Variants in RBPJ observed in about 807,000 individuals in gnomAD.
The protein encoded by RBPJ is recombination signal binding protein for immunoglobulin kappa J region.
In RBPJ, 9 loss-of-function variants were observed where a neutral mutation model predicts 67.8. The ratio of observed to expected loss-of-function variants is 0.13; its 90% CI spans 0.08 to 0.23. RBPJ has a LOEUF of 0.23. Among genes scored for constraint, RBPJ ranks in the 10% least tolerant of loss-of-function variants. RBPJ has a pLI of 1.00. For synonymous variants in RBPJ, 198 were observed against 203.3 expected, an observed-to-expected ratio of 0.97 and a Z score of 0.22; for missense variants, 305 against 595.6, an observed-to-expected ratio of 0.51 and a Z score of 5.08.
the RBPJ span, chr4:26,111,747 TG>T: frequency 3.3e-5 from 5 of 152,302 alleles, no homozygotes; most frequent in Non-Finnish European, 5.9e-5. Flanking sequence ...GAACCTAAAT[TG>T]GTAGTAAATT....
At chr4:26,135,448 C>T in the RBPJ span, among the ~76,000 whole-genome samples, 1 of 152,012 alleles carries the variant, frequency 6.6e-6, no homozygotes. Context: ...CCCTGTGAGG[C>T]AGATGAGGCC....
At chr4:26,236,814 T>C (rs1719467314) in intron 1 of RBPJ, among the ~76,000 whole-genome samples, 1 of 152,224 alleles carries the variant, frequency 6.6e-6, no homozygotes, top group Non-Finnish European at 1.5e-5. Flanking sequence ...CAACCCATGT[T>C]AAGCCCCGTA....
chr4:26,251,934 G>A (rs548270620), intron 1 of RBPJ, among the ~76,000 whole-genome samples: 1 of 151,652 alleles, frequency 6.6e-6, no homozygotes, highest in East Asian at 1.9e-4. Context: ...TTCTCACAAC[G>A]GGGCTATCGA....
intron 1 of RBPJ, among the ~76,000 whole-genome samples, chr4:26,171,857 G>C (rs1716598937): frequency 1.3e-5 from 2 of 152,196 alleles, no homozygotes; most frequent in African/African-American, 4.8e-5. Context: ...CTGAGGAGTG[G>C]ACCTGCCACC....
chr4:26,420,506 C>T (rs1290798755), intron 4 of RBPJ, 45 bp from the exon 5 acceptor site: 14 of 1,439,910 alleles, frequency 9.7e-6, no homozygotes, highest in Non-Finnish European at 1.3e-5. Flanking sequence ...ACTACATAAA[C>T]AAACAAGGTT....
At chr4:26,151,148 C>G in the RBPJ span, among the ~76,000 whole-genome samples, 6 of 152,310 alleles carry the variant, frequency 3.9e-5, no homozygotes, top group African/African-American at 1.4e-4. Flanking sequence ...GGCAGCCCAC[C>G]TGGCCTTTGA....
intron 1 of RBPJ, among the ~76,000 whole-genome samples, chr4:26,302,775 C>T (rs1339726346): frequency 1.3e-5 from 2 of 152,192 alleles, no homozygotes; most frequent in East Asian, 3.8e-4. Flanking sequence ...ATGAGATCAT[C>T]TCCATTTGAA....
At chr4:26,421,188 C>T (rs1735103538) in intron 5 of RBPJ, among the ~76,000 whole-genome samples, 1 of 152,214 alleles carries the variant, frequency 6.6e-6, no homozygotes, top group African/African-American at 2.4e-5. Flanking sequence ...AATGTGGTTG[C>T]TCTGGCAGAG....
At chr4:26,179,761 T>C (rs1234894253) in intron 1 of RBPJ, among the ~76,000 whole-genome samples, 2 of 152,180 alleles carry the variant, frequency 1.3e-5, no homozygotes, top group Non-Finnish European at 2.9e-5. Flanking sequence ...AGTTTGGTGA[T>C]TTCTCAAAGG....
intron 1 of RBPJ, among the ~76,000 whole-genome samples, chr4:26,357,456 G>A (rs915785282): frequency 2.6e-5 from 4 of 151,998 alleles, no homozygotes; most frequent in African/African-American, 9.7e-5. Flanking sequence ...AAATAGGTTC[G>A]ATTTATAAAA....
chr4:26,242,859 C>T (rs991761119), intron 1 of RBPJ, among the ~76,000 whole-genome samples: 1 of 152,112 alleles, frequency 6.6e-6, no homozygotes, highest in East Asian at 1.9e-4. Flanking sequence ...ACATAAAGCA[C>T]GTGTGCTGCA....
intron 1 of RBPJ, among the ~76,000 whole-genome samples, chr4:26,177,091 C>T (rs1716819585): frequency 6.6e-6 from 1 of 152,064 alleles, no homozygotes; most frequent in South Asian, 2.1e-4. Context: ...GGGTGTGTGC[C>T]GCTCCTAGAT....
At chr4:26,184,864 G>A (rs547825112) in intron 1 of RBPJ, among the ~76,000 whole-genome samples, 14 of 152,262 alleles carry the variant, frequency 9.2e-5, no homozygotes, top group Admixed American at 2.0e-4. Flanking sequence ...ATGTTGGGCC[G>A]GGTGCGGTGG....
intron 1 of RBPJ, among the ~76,000 whole-genome samples, chr4:26,232,897 GC>G (rs1238238598): frequency 6.6e-6 from 1 of 152,174 alleles, no homozygotes; most frequent in Non-Finnish European, 1.5e-5. Flanking sequence ...CGGGGAACCT[GC>G]TATAATTTGA....
intron 2 of RBPJ, among the ~76,000 whole-genome samples, chr4:26,397,449 C>T (rs1445458090): frequency 6.6e-6 from 1 of 152,090 alleles, no homozygotes; most frequent in Admixed American, 6.6e-5. Flanking sequence ...GAATGTCAGC[C>T]GTGCAATATA....
At chr4:26,255,618 C>A (rs377655421) in intron 1 of RBPJ, among the ~76,000 whole-genome samples, 3 of 148,964 alleles carry the variant, frequency 2.0e-5, no homozygotes, top group African/African-American at 7.4e-5. Context: ...CTGGCTAACA[C>A]GGTGAAACCC....
At chr4:26,144,787 A>G in the RBPJ span, among the ~76,000 whole-genome samples, 1 of 152,212 alleles carries the variant, frequency 6.6e-6, no homozygotes, top group African/African-American at 2.4e-5. Context: ...GTTCCATTGT[A>G]TAGCCTGGGT....
At chr4:26,368,938 C>A (rs1728887720) in intron 1 of RBPJ, among the ~76,000 whole-genome samples, 1 of 152,192 alleles carries the variant, frequency 6.6e-6, no homozygotes, top group Admixed American at 6.5e-5. Flanking sequence ...TAAACAGTCA[C>A]TATCTCTGTA....
At chr4:26,377,257 G>A (rs575636129) in intron 1 of RBPJ, among the ~76,000 whole-genome samples, 25 of 152,308 alleles carry the variant, frequency 1.6e-4, no homozygotes, top group Admixed American at 9.2e-4. Flanking sequence ...AGCACAGAGA[G>A]TTTGAGTAAA....
Sources: gnomAD v4.1 joint callset for allele counts (sites outside exome capture counted in the v4.1 genomes callset) on GRCh38, gnomAD v4.1.1 for gene constraint, MANE v1.5 for transcripts, NCBI Gene and HGNC (gene_info 2026-07-23, HGNC 2026-07-21) for gene names.